The following COX10 variants were observed in gnomAD, a reference collection of about 807,000 sequenced individuals.
The protein encoded by COX10 is protoheme IX farnesyltransferase, mitochondrial.
COX10 carries 27 observed loss-of-function variants against 37.3 expected under a neutral mutation model. The observed-to-expected ratio is 0.72, with a 90% CI of 0.53 to 1.00. COX10 has a LOEUF of 1.00. COX10 is among the 50% of genes least tolerant of loss of function. The pLI, the probability that COX10 is intolerant of heterozygous loss-of-function variation, is 0.00. For synonymous variants in COX10, 222 were observed against 229.1 expected (o/e 0.97, Z 0.28); for missense variants, 475 against 563.2 (o/e 0.84, Z 1.59).
At chr17:14,193,083 T>G (rs1906258775) in intron 6 of COX10, among the ~76,000 whole-genome samples, 1 of 152,250 alleles carries the variant, frequency 6.6e-6, no homozygotes, top group Non-Finnish European at 1.5e-5. Flanking sequence ...ATGTCAGATT[T>G]TAATGAATCT....
At chr17:14,118,000 T>C (rs1172342608) in intron 4 of COX10, among the ~76,000 whole-genome samples, 2 of 152,038 alleles carry the variant, frequency 1.3e-5, no homozygotes, top group Admixed American at 6.6e-5. Flanking sequence ...AGCTGGACTC[T>C]CCTCTGACCT....
At chr17:14,127,188 T>C (rs2142216668) in intron 4 of COX10, among the ~76,000 whole-genome samples, 1 of 152,318 alleles carries the variant, frequency 6.6e-6, no homozygotes, top group African/African-American at 2.4e-5. Flanking sequence ...CTATTTGCTG[T>C]CTTCACTAAA....
At chr17:14,110,241 T>G (rs1295384277) in intron 4 of COX10, among the ~76,000 whole-genome samples, 1 of 152,172 alleles carries the variant, frequency 6.6e-6, no homozygotes, top group African/African-American at 2.4e-5. Context: ...ATATGTATGT[T>G]ATGAATATAT....
chr17:14,119,699 G>A (rs147678250), intron 4 of COX10, among the ~76,000 whole-genome samples: 52 of 152,242 alleles, frequency 3.4e-4, no homozygotes, highest in Non-Finnish European at 4.7e-4. Flanking sequence ...TAAGATGTGC[G>A]CAAGCCCAAT....
At chr17:14,113,104 G>A (rs1380529218) in intron 4 of COX10, among the ~76,000 whole-genome samples, 2 of 152,020 alleles carry the variant, frequency 1.3e-5, no homozygotes, top group African/African-American at 4.8e-5. Context: ...GTCCACGTCC[G>A]AACTACAGGA....
At chr17:14,202,130 A>G (rs1353464181) in intron 6 of COX10, among the ~76,000 whole-genome samples, 1 of 149,090 alleles carries the variant, frequency 6.7e-6, no homozygotes, top group Non-Finnish European at 1.5e-5. Flanking sequence ...TGCTTCTGCA[A>G]TTTTTTCTTT....
At chr17:14,070,142 C>T (rs1057489995) in intron 1 of COX10, among the ~76,000 whole-genome samples, 2 of 152,028 alleles carry the variant, frequency 1.3e-5, no homozygotes, top group Non-Finnish European at 2.9e-5. Flanking sequence ...GTCTCTGTAC[C>T]GCCAGAGTGG....
intron 6 of COX10, among the ~76,000 whole-genome samples, chr17:14,206,591 G>A (rs968201946): frequency 6.6e-6 from 1 of 152,126 alleles, no homozygotes; most frequent in Non-Finnish European, 1.5e-5. Context: ...GGCACCCCCA[G>A]GTGAGAAAGG....
chr17:14,171,362 T>G (rs1160700791), intron 5 of COX10, among the ~76,000 whole-genome samples: 1 of 152,176 alleles, frequency 6.6e-6, no homozygotes, highest in Non-Finnish European at 1.5e-5. Flanking sequence ...AACAAATGTG[T>G]TTTTTTAGTG....
intron 6 of COX10, among the ~76,000 whole-genome samples, chr17:14,199,070 CAAA>C (rs58368681): frequency 1.5e-5 from 2 of 132,442 alleles, no homozygotes. Context: ...CTTGAAAGAC[CAAA>C]AAAAAAAAAA....
At chr17:14,084,983 G>GT (rs1915377735) in intron 3 of COX10, among the ~76,000 whole-genome samples, 2 of 152,126 alleles carry the variant, frequency 1.3e-5, no homozygotes, top group African/African-American at 4.8e-5. Flanking sequence ...TTTGCATACA[G>GT]TTTTTCAGCC....
chr17:14,101,319 T>TTCCTTTCC, intron 3 of COX10, among the ~76,000 whole-genome samples: 1 of 152,048 alleles, frequency 6.6e-6, no homozygotes, highest in South Asian at 2.1e-4. Context: ...TCTTCCTTTC[T>TTCCTTTCC]CTTCATCCTC....
At chr17:14,187,166 C>T (rs1023098418) in intron 5 of COX10, among the ~76,000 whole-genome samples, 1 of 151,694 alleles carries the variant, frequency 6.6e-6, no homozygotes, top group Non-Finnish European at 1.5e-5. Flanking sequence ...TACAGCCTGA[C>T]AGTACGTGTC....
chr17:14,198,243 C>T (rs1906427588), intron 6 of COX10, among the ~76,000 whole-genome samples: 1 of 152,062 alleles, frequency 6.6e-6, no homozygotes, highest in Non-Finnish European at 1.5e-5. Flanking sequence ...AGTGCCCAGC[C>T]GACATTCCAG....
chr17:14,092,317 C>A (rs900731640), intron 3 of COX10, among the ~76,000 whole-genome samples: 4 of 152,064 alleles, frequency 2.6e-5, no homozygotes, highest in African/African-American at 9.7e-5. Context: ...ATTTTGGAAT[C>A]AGTATTGCTT....
chr17:14,104,445 T>G (rs1039056412), intron 4 of COX10, among the ~76,000 whole-genome samples: 4 of 152,120 alleles, frequency 2.6e-5, no homozygotes, highest in Non-Finnish European at 4.4e-5. Flanking sequence ...ACAGAGTTTT[T>G]GGGCAGCATA....
intron 3 of COX10, among the ~76,000 whole-genome samples, chr17:14,090,697 C>G (rs1417238467): frequency 6.6e-6 from 1 of 152,160 alleles, no homozygotes; most frequent in Non-Finnish European, 1.5e-5. Context: ...AGGTTAACTC[C>G]TTTTTATCCT....
At chr17:14,077,143 A>G (rs779507066) in intron 3 of COX10, 87 bp downstream of exon 3, 196 of 1,338,830 alleles carry the variant, frequency 1.5e-4, no homozygotes, top group Non-Finnish European at 2.0e-4. Context: ...CCTGAAAAGA[A>G]TAATTTGGAA....
At position 14,126,104 on chromosome 17, in the gene COX10, G is replaced by A. The variant is rs999450082; in HGVS notation, c.624+23862G>A. Among the ~76,000 whole-genome samples the A allele has an allele frequency of 2.0e-5, 3 of 151,050 alleles. No homozygotes were observed. In the East Asian group the frequency reaches 5.8e-4, roughly 29 times the overall value. Reference sequence around the variant, plus strand: ...GGTACTTGTGTTGATTCATTGCTGGGTTTTTTTTTCTTTTTCTAATTCCTT... The same window carrying A: ...GGTACTTGTGTTGATTCATTGCTGGATTTTTTTTTCTTTTTCTAATTCCTT... On this transcript the variant is annotated intron_variant, in intron 4 of 6. Coordinates refer to ENST00000261643, the MANE Select transcript of COX10 (RefSeq NM_001303.4).
Sources: allele counts gnomAD v4.1 joint callset (sites outside exome capture counted in the v4.1 genomes callset), GRCh38; gene constraint gnomAD v4.1.1; transcripts MANE v1.5; gene names NCBI Gene and HGNC (gene_info 2026-07-23, HGNC 2026-07-21).